The following PJA2 variants were observed in gnomAD, a reference collection of about 807,000 sequenced individuals.
The protein encoded by PJA2 is praja ring finger ubiquitin ligase 2.
A neutral mutation model predicts 69.3 loss-of-function variants in PJA2; 25 were observed. The observed-to-expected ratio is 0.36, with a 90% confidence interval of 0.26 to 0.50. PJA2 has a LOEUF of 0.50. PJA2 is among the 20% of genes least tolerant of loss of function. The pLI, the probability that PJA2 is intolerant of heterozygous loss-of-function variation, is 0.96. For synonymous variants in PJA2, 308 were observed against 277.8 expected (o/e 1.11, Z -1.08); for missense variants, 809 against 830.2 (o/e 0.97, Z 0.31).
chr5:109,340,620 C>CTG (rs1554052693), intron 9 of PJA2, among the ~76,000 whole-genome samples: 1 of 490 alleles, frequency 2.0e-3, no homozygotes, highest in Non-Finnish European at 4.2e-3. Context: ...TATTGGGTCC[C>CTG]TCCCCCTCCC....
chr5:109,383,923 G>A lies in PJA2; in HGVS notation c.-87-403C>T, dbSNP rs534588945. Among the ~76,000 whole-genome samples the A allele has an allele frequency of 5.9e-5, 9 of 152,214 alleles. No individual in the cohort carries two copies. In the East Asian group the frequency reaches 9.7e-4, roughly 16 times the overall value. The stretch of plus-strand genomic sequence containing the variant: ...GGCCTGGGTGACAAAGTGAGATCCC[G>A]TCCCAAAAATAAATAAAAACAAGAA... On this transcript the variant is annotated intron_variant, in intron 1 of 9. Coordinates refer to ENST00000361189, the MANE Select transcript of PJA2 (RefSeq NM_014819.5).
intron 4 of PJA2, among the ~76,000 whole-genome samples, chr5:109,372,905 CAAAAAAAAAAAAA>C (rs528408590): frequency 1.1e-4 from 4 of 35,700 alleles, no homozygotes; most frequent in South Asian, 4.1e-3. Context: ...CACTCCGTCT[CAAAAAAAAAAAAA>C]AAAAAAAAGA....
intron 9 of PJA2, among the ~76,000 whole-genome samples, chr5:109,338,388 C>T (rs1397760418): frequency 6.6e-6 from 1 of 152,092 alleles, no homozygotes; most frequent in Non-Finnish European, 1.5e-5. Flanking sequence ...GCCTGTAATC[C>T]CAGCACTTTG....
chr5:109,342,523 G>T lies in PJA2; in HGVS notation c.2001+1667C>A, dbSNP rs1207175488. On this transcript the variant is annotated intron_variant, in intron 9 of 9. Coordinates refer to ENST00000361189, the MANE Select transcript of PJA2 (RefSeq NM_014819.5). Reference sequence around the variant, plus strand: ...CAGCCACCCCGTCCGGGAGGGAGGTGGGGGGGGTCAGCTCCCCCACCCGGC... The same window carrying T: ...CAGCCACCCCGTCCGGGAGGGAGGTTGGGGGGGTCAGCTCCCCCACCCGGC... Among the ~76,000 whole-genome samples the T allele has an allele frequency of 4.5e-5, 3 of 67,036 alleles. No homozygotes were observed. In the East Asian group the frequency reaches 2.1e-3, roughly 47 times the overall value. 44.0% of individuals were successfully genotyped at this position (67,036 alleles called of 152,430 possible). A position where few individuals can be genotyped will look rare whatever the true frequency, so the allele number is the denominator to read the frequency against.
intron 1 of PJA2, among the ~76,000 whole-genome samples, chr5:109,395,877 G>C (rs1258113044): frequency 6.6e-6 from 1 of 151,972 alleles, no homozygotes; most frequent in Non-Finnish European, 1.5e-5. Context: ...GCACATGCCT[G>C]TAATCCCAGC....
At chr5:109,363,761 AAACT>A (rs1202968168) in intron 5 of PJA2, among the ~76,000 whole-genome samples, 2 of 152,266 alleles carry the variant, frequency 1.3e-5, no homozygotes, top group South Asian at 2.1e-4. Flanking sequence ...CTCCTACTAG[AAACT>A]AACTAAACAG....
At chr5:109,356,483 T>C (rs1762414899) in intron 6 of PJA2, among the ~76,000 whole-genome samples, 2 of 152,160 alleles carry the variant, frequency 1.3e-5, no homozygotes, top group South Asian at 2.1e-4. Context: ...ACTGGAAGTA[T>C]ATGTAAATAT....
At chr5:109,349,805 T>A (rs1440647466) in intron 7 of PJA2, among the ~76,000 whole-genome samples, 1 of 152,180 alleles carries the variant, frequency 6.6e-6, no homozygotes, top group African/African-American at 2.4e-5. Context: ...TATTTCCTCC[T>A]AGCCAATCCC....
At chr5:109,399,572 C>T (rs1192544187) in intron 1 of PJA2, among the ~76,000 whole-genome samples, 5 of 152,196 alleles carry the variant, frequency 3.3e-5, no homozygotes, top group Non-Finnish European at 4.4e-5. Flanking sequence ...CCAAACCCAT[C>T]TCAATCACGA....
intron 5 of PJA2, among the ~76,000 whole-genome samples, chr5:109,365,720 C>G (rs1762575777): frequency 6.6e-6 from 1 of 152,128 alleles, no homozygotes; most frequent in Admixed American, 6.5e-5. Context: ...AATCTGTATT[C>G]ACTCTTACTG....
intron 4 of PJA2, 39 bp downstream of exon 4, chr5:109,378,165 T>C (rs1178870479): frequency 1.4e-6 from 2 of 1,451,890 alleles, no homozygotes; most frequent in Admixed American, 1.9e-5. Context: ...ACCACTTCAT[T>C]TACTACACAA....
chr5:109,339,351 C>T lies in PJA2; in HGVS notation c.2002-1995G>A, dbSNP rs80210235. On this transcript the variant is annotated intron_variant, in intron 9 of 9. Coordinates refer to ENST00000361189, the MANE Select transcript of PJA2 (RefSeq NM_014819.5). ...GTTAATGGGTATAATGTATGTTATC[C>T]AGGTGATGGGATATCCTAAAAGCCC... is the stretch of plus-strand genomic sequence containing the variant. 6.4e-3 allele frequency among the ~76,000 whole-genome samples: 980 copies of T among 152,184 alleles called. 7 individuals carry two copies. The highest frequency in any genetic ancestry group is 0.011 in the Non-Finnish European group (772 of 67,988).
At chr5:109,353,440 A>AT (rs1335271042) in intron 7 of PJA2, among the ~76,000 whole-genome samples, 2 of 44,474 alleles carry the variant, frequency 4.5e-5, no homozygotes, top group Non-Finnish European at 1.5e-4. Context: ...ATACCTATAT[A>AT]TAGATATCTA....
At chr5:109,353,120 CATCTATATATTAGATACCTATATCTAGAT>C (rs1561344544) in intron 7 of PJA2, among the ~76,000 whole-genome samples, 39 of 137,388 alleles carry the variant, frequency 2.8e-4, no homozygotes, top group Non-Finnish European at 5.4e-4. Flanking sequence ...TATCTATAGA[CATCTATATATTAGATACCTATATCTAGAT>C]ATCTATATAT....
Position 109,344,879 on chromosome 5 carries a change from AT to A in PJA2, c.1765-61del. On this transcript the variant is annotated intron_variant, in intron 7 of 9. Coordinates refer to ENST00000361189, the MANE Select transcript of PJA2 (RefSeq NM_014819.5). ...TACTTTAAAACAGTAACAGAAAACT[AT>A]TTTTAGGGTATCTCCAAAATTATAT... The A allele has an allele frequency of 2.7e-6, 3 of 1,091,896 alleles. No individual in the cohort carries two copies. In the South Asian group the frequency reaches 4.4e-5, roughly 16 times the overall value. 67.6% of individuals were successfully genotyped at this position (1,091,896 alleles called of 1,614,324 possible).
intron 4 of PJA2, 70 bp downstream of exon 4, chr5:109,378,134 C>T (rs1318613104): frequency 2.7e-6 from 3 of 1,130,242 alleles, no homozygotes; most frequent in Non-Finnish European, 3.8e-6. Context: ...GCCCAGCCAT[C>T]AAACATGGTT....
In PJA2 at chr5:109,357,724, C is replaced by T. The variant is rs76060908; in HGVS notation, c.1653-1698G>A. ...CTTTCTAAGGTGGTATGTACCAGTGCGGGAGAGCACTACTAGAAGTTTAAA... is the reference window on the plus strand; with the variant it reads ...CTTTCTAAGGTGGTATGTACCAGTGTGGGAGAGCACTACTAGAAGTTTAAA... On this transcript the variant is annotated intron_variant, in intron 6 of 9. Coordinates refer to ENST00000361189, the MANE Select transcript of PJA2 (RefSeq NM_014819.5). Among the ~76,000 whole-genome samples the T allele has an allele frequency of 6.4e-3, 980 of 152,294 alleles. 8 individuals are homozygous for T. Among genetic ancestry groups the T allele is most frequent in the African/African-American group, 0.022 (926 of 41,570 alleles).
At chr5:109,348,416 A>T (rs1395115432) in intron 7 of PJA2, among the ~76,000 whole-genome samples, 1 of 152,214 alleles carries the variant, frequency 6.6e-6, no homozygotes, top group African/African-American at 2.4e-5. Flanking sequence ...GTCTCATCAA[A>T]TTTCTCAAAA....
intron 1 of PJA2, among the ~76,000 whole-genome samples, chr5:109,401,041 C>T (rs906309312): frequency 5.9e-5 from 9 of 152,072 alleles, no homozygotes; most frequent in African/African-American, 1.4e-4. Context: ...CCTGTAATCC[C>T]AGCACTTTGG....
Sources: gnomAD v4.1 joint callset for allele counts (sites outside exome capture counted in the v4.1 genomes callset) on GRCh38, gnomAD v4.1.1 for gene constraint, MANE v1.5 for transcripts, NCBI Gene and HGNC (gene_info 2026-07-23, HGNC 2026-07-21) for gene names.